QPCT: variants seen among roughly 807,000 people sequenced by gnomAD.
QPCT encodes glutaminyl-peptide cyclotransferase.
In QPCT, 44 loss-of-function variants were observed where a neutral mutation model predicts 43.4. The observed-to-expected ratio is 1.01, with a 90% CI of 0.80 to 1.30. The LOEUF is 1.30. Ranked by LOEUF, QPCT falls within the 50% of genes most tolerant of loss-of-function variation. QPCT has a pLI of 0.00. For missense variants in QPCT, 526 were observed against 436.5 expected, an observed-to-expected ratio of 1.21 and a Z score of -1.83; for synonymous variants, 168 against 168.4, an observed-to-expected ratio of 1.00 and a Z score of 0.02.
chr2:37,347,218 CATATATATATAACATAT>C lies in QPCT; in HGVS notation c.120+2394_120+2410del, dbSNP rs1464392817. Reference sequence around the variant, plus strand: ...ACATATATATATAACATATATATAACATATATATATAACATATATATATATATAACATATATATATAT... The same window carrying C: ...ACATATATATATAACATATATATAACATATATATATAACATATATATATAT... On this transcript the variant is annotated intron_variant, in intron 1 of 6. Transcript: ENST00000338415. Among the ~76,000 whole-genome samples the C allele has an allele frequency of 2.7e-4, 17 of 62,374 alleles. 3 individuals are homozygous for C. Among genetic ancestry groups the C allele is most frequent in the South Asian group, 9.6e-4 (2 of 2,074 alleles). The allele number at this position is 62,374 out of a possible 152,430, so 40.9% of individuals were successfully genotyped here.
Position 37,372,798 on chromosome 2 carries a change from G to C in QPCT, c.1057G>C (p.Val353Leu). 2 of 1,611,900 alleles carry C rather than the reference G, an allele frequency of 1.2e-6. No individual in the cohort carries two copies. The highest frequency in any genetic ancestry group is 1.7e-6 in the Non-Finnish European group (2 of 1,178,634). Residue 353 changes from valine (V) to leucine (L), a missense_variant, in exon 7 of 7, where the codon GTC (valine) becomes CTC (leucine). Coordinates refer to ENST00000338415, the MANE Select transcript of QPCT (RefSeq NM_012413.4). ...TIDNLNKILQ[V>L]FVLEYLHL ...TGACAATCTAAACAAAATCCTACAA[G>C]TCTTTGTGTTGGAATATCTTCATTT...
chr2:37,366,979 G>C, intron 3 of QPCT: 1 of 404,022 alleles, frequency 2.5e-6, no homozygotes, highest in African/African-American at 2.1e-5. Flanking sequence ...TCTGTGAGGA[G>C]TAAGAAAAAA....
At chr2:37,372,634 A>G (rs1186165651) in intron 6 of QPCT, 48 bp from the exon 7 acceptor site, 2 of 1,581,904 alleles carry the variant, frequency 1.3e-6, no homozygotes, top group Admixed American at 1.7e-5. Flanking sequence ...TTTCTAGTTT[A>G]CTCACTGGAG....
chr2:37,367,658 G>T (rs1672988357), intron 4 of QPCT, among the ~76,000 whole-genome samples: 1 of 152,144 alleles, frequency 6.6e-6, no homozygotes, highest in African/African-American at 2.4e-5. Context: ...GATCACTTGA[G>T]CCCAGGAGTT....
intron 3 of QPCT, among the ~76,000 whole-genome samples, chr2:37,364,803 T>C (rs954792284): frequency 1.3e-5 from 2 of 151,826 alleles, no homozygotes; most frequent in African/African-American, 4.8e-5. Flanking sequence ...AGATCTTCAT[T>C]TGGCAACTGA....
At chr2:37,370,356 A>G (rs1673050386) in intron 5 of QPCT, among the ~76,000 whole-genome samples, 1 of 148,580 alleles carries the variant, frequency 6.7e-6, no homozygotes, top group South Asian at 2.1e-4. Flanking sequence ...AAAATACTAC[A>G]TTTCATGTTT....
At chr2:37,348,038 A>ATCTCTC (rs56107736) in intron 1 of QPCT, among the ~76,000 whole-genome samples, 80,457 of 150,458 alleles carry the variant, frequency 0.53, 21,694 homozygotes, top group African/African-American at 0.63. Context: ...TTTTATTTCT[A>ATCTCTC]TCTCTCTCTC....
chr2:37,346,056 A>C (rs1249284493), intron 1 of QPCT, among the ~76,000 whole-genome samples: 1 of 152,234 alleles, frequency 6.6e-6, no homozygotes, highest in Non-Finnish European at 1.5e-5. Flanking sequence ...CCTTTTACAC[A>C]CTTAGAGTAT....
intron 5 of QPCT, among the ~76,000 whole-genome samples, chr2:37,371,655 C>T (rs983974249): frequency 3.3e-5 from 5 of 152,194 alleles, no homozygotes; most frequent in East Asian, 1.9e-4. Context: ...TTCATGTAAT[C>T]TCTTGTCATC....
At chr2:37,351,351 T>C (rs1409524925) in intron 1 of QPCT, among the ~76,000 whole-genome samples, 1 of 152,220 alleles carries the variant, frequency 6.6e-6, no homozygotes, top group African/African-American at 2.4e-5. Context: ...CATTCCATTA[T>C]TAGGTGCCTG....
intron 2 of QPCT, among the ~76,000 whole-genome samples, chr2:37,357,616 AG>A (rs1672776037): frequency 6.6e-6 from 1 of 152,216 alleles, no homozygotes; most frequent in Non-Finnish European, 1.5e-5. Context: ...GCAATAGAAA[AG>A]TTAAGGTACT....
At position 37,371,321 on chromosome 2, in the gene QPCT, C is replaced by T. The variant is rs796542048; in HGVS notation, c.824-1035C>T. On this transcript the variant is annotated intron_variant, in intron 5 of 6. Transcript: ENST00000338415. ...TCATTCAATTTTAACCCATTGTGCC[C>T]CTCCTATTGGTATTTACATTTCAAA... Among the ~76,000 whole-genome samples, 4 of 150,984 alleles carry T rather than the reference C, an allele frequency of 2.6e-5. No homozygotes were observed. In the South Asian group the frequency reaches 6.3e-4, roughly 24 times the overall value.
In QPCT at chr2:37,373,054, C is replaced by A. The variant is rs1030003156; in HGVS notation, c.*227C>A. The A allele has an allele frequency of 5.6e-6, 2 of 355,384 alleles. No homozygotes were observed. The highest frequency in any genetic ancestry group is 2.1e-5 in the African/African-American group (1 of 47,360). 22.0% of individuals were successfully genotyped at this position (355,384 alleles called of 1,614,324 possible). A position where few individuals can be genotyped will look rare whatever the true frequency, so the allele number is the denominator to read the frequency against. On this transcript the variant is annotated 3_prime_UTR_variant, in exon 7 of 7. Transcript: ENST00000338415. The stretch of plus-strand genomic sequence containing the variant: ...TATTTACAGATTGAAAAAGAGGGAC[C>A]GTGTAAAGAAAATGGAAAATAAATA...
At chr2:37,366,916 G>A (rs1672976172) in intron 3 of QPCT, among the ~76,000 whole-genome samples, 1 of 152,234 alleles carries the variant, frequency 6.6e-6, no homozygotes, top group South Asian at 2.1e-4. Context: ...TCCTGTATGG[G>A]AAGTGGGTGG....
In QPCT at chr2:37,369,729, G is replaced by T; in HGVS notation, c.768G>T (p.Thr256=). 6.2e-7 allele frequency: 1 copy of T among 1,609,666 alleles called. No homozygotes were observed. ...ATTTGATTGGAGCTCCAAACCCAAC[G>T]TTTCCCAATTTTTTTCCAAACTCAG... The part of the protein sequence containing the change: ...LLDLIGAPNP[T]FPNFFPNSAR... Residue 256 remains threonine, a synonymous_variant, in exon 5 of 7, where the codon ACG becomes ACT. Transcript: ENST00000338415.
At chr2:37,372,596 A>G (rs1673102665) in intron 6 of QPCT, 86 bp from the exon 7 acceptor site, 2 of 1,500,166 alleles carry the variant, frequency 1.3e-6, no homozygotes, top group South Asian at 1.2e-5. Flanking sequence ...TATGTGGTAC[A>G]GAGCTCCCTC....
At chr2:37,354,082 C>G (rs187623330) in intron 2 of QPCT, among the ~76,000 whole-genome samples, 1 of 152,322 alleles carries the variant, frequency 6.6e-6, no homozygotes, top group East Asian at 1.9e-4. Flanking sequence ...CCAGGATGGT[C>G]TCTTATCTCC....
chr2:37,369,752 C>T lies in QPCT; in HGVS notation c.791C>T (p.Ser264Leu). 1.9e-6 allele frequency: 3 copies of T among 1,605,066 alleles called. No homozygotes were observed. The highest frequency in any genetic ancestry group is 2.6e-6 in the Non-Finnish European group (3 of 1,171,738). The change falls in exon 5 of 7, where the codon TCA becomes TTA. Residue 264 changes from serine (S) to leucine (L), a missense_variant. Transcript: ENST00000338415. ...NPTFPNFFPN[S>L]ARWFERLQAI... ...ACGTTTCCCAATTTTTTTCCAAACT[C>T]AGCCAGGTGGTTCGAAAGACTTCAA...
chr2:37,357,237 A>G (rs1037708065), intron 2 of QPCT, among the ~76,000 whole-genome samples: 1 of 150,180 alleles, frequency 6.7e-6, no homozygotes, highest in Non-Finnish European at 1.5e-5. Flanking sequence ...AAGCCATTTT[A>G]TGGAGCATTT....
Sources: allele counts gnomAD v4.1 joint callset (sites outside exome capture counted in the v4.1 genomes callset), GRCh38; gene constraint gnomAD v4.1.1; transcripts MANE v1.5; gene names NCBI Gene and HGNC (gene_info 2026-07-23, HGNC 2026-07-21).